The following NXPH1 variants were observed in gnomAD, a reference collection of about 807,000 sequenced individuals.
The protein encoded by NXPH1 is neurexophilin-1.
A neutral mutation model predicts 23.7 loss-of-function variants in NXPH1; 5 were observed. The ratio of observed to expected loss-of-function variants is 0.21; its 90% confidence interval spans 0.11 to 0.44. The LOEUF is 0.44. Among genes scored for constraint, NXPH1 ranks in the 20% least tolerant of loss-of-function variants. The pLI, the probability that NXPH1 is intolerant of heterozygous loss-of-function variation, is 0.99. For missense variants in NXPH1, 324 were observed against 321.6 expected (o/e 1.01, Z -0.06); for synonymous variants, 144 against 122.2 (o/e 1.18, Z -1.18).
chr7:8,666,937 A>G (rs183684514), intron 2 of NXPH1, among the ~76,000 whole-genome samples: 106 of 151,906 alleles, frequency 7.0e-4, no homozygotes, highest in African/African-American at 2.5e-3. Flanking sequence ...AGGCTTGTCA[A>G]TTTTATTATC....
intron 2 of NXPH1, among the ~76,000 whole-genome samples, chr7:8,438,266 T>A (rs778723821): frequency 1.7e-4 from 26 of 152,258 alleles, no homozygotes; most frequent in Admixed American, 3.9e-4. Context: ...AAATACCAGA[T>A]ACAGTTAACT....
intron 2 of NXPH1, among the ~76,000 whole-genome samples, chr7:8,487,859 A>C (rs1206538563): frequency 6.6e-6 from 1 of 152,142 alleles, no homozygotes; most frequent in Non-Finnish European, 1.5e-5. Context: ...TTTCTCTTTC[A>C]ACACCAGATT....
chr7:8,599,266 C>A (rs1286624555), intron 2 of NXPH1, among the ~76,000 whole-genome samples: 5 of 152,078 alleles, frequency 3.3e-5, no homozygotes, highest in African/African-American at 1.2e-4. Flanking sequence ...ATTGGTTGGA[C>A]ATTCAGGATG....
intron 2 of NXPH1, among the ~76,000 whole-genome samples, chr7:8,509,123 T>G (rs1015417249): frequency 2.6e-5 from 4 of 152,136 alleles, no homozygotes; most frequent in African/African-American, 9.6e-5. Context: ...TAAATGACAT[T>G]ATCCATTAGT....
chr7:8,541,232 A>T (rs1818112093), intron 2 of NXPH1, among the ~76,000 whole-genome samples: 1 of 151,740 alleles, frequency 6.6e-6, no homozygotes, highest in South Asian at 2.1e-4. Context: ...AAAAAGACCT[A>T]AATTAAACTC....
rs1041224406 is a variant in NXPH1 at position 8,463,295 on chromosome 7, C to CT, written c.54+27539dup. 7.2e-3 allele frequency among the ~76,000 whole-genome samples: 1,047 copies of CT among 146,332 alleles called. 3 individuals carry two copies. Among genetic ancestry groups the CT allele is most frequent in the African/African-American group, 0.021 (861 of 40,188 alleles). On this transcript the variant is annotated intron_variant, in intron 2 of 2. Coordinates refer to ENST00000405863, the MANE Select transcript of NXPH1 (RefSeq NM_152745.3). ...TACCAAATGGTATCTATAAATGTAT[C>CT]TTTTTTTTTTTCATGGCCACATAGT...
intron 2 of NXPH1, among the ~76,000 whole-genome samples, chr7:8,730,219 T>C (rs1780126485): frequency 6.7e-6 from 1 of 149,932 alleles, no homozygotes; most frequent in African/African-American, 2.5e-5. Flanking sequence ...CCTTTTATTT[T>C]GAGCCTATGT....
chr7:8,575,926 A>T (rs1034572307), intron 2 of NXPH1, among the ~76,000 whole-genome samples: 1 of 152,074 alleles, frequency 6.6e-6, no homozygotes, highest in African/African-American at 2.4e-5. Context: ...GAGTGCTTGA[A>T]AGCCTTCTAA....
intron 2 of NXPH1, among the ~76,000 whole-genome samples, chr7:8,514,413 T>G (rs760133725): frequency 1.4e-4 from 21 of 152,180 alleles, no homozygotes; most frequent in Non-Finnish European, 2.1e-4. Context: ...TCCTTGAAGT[T>G]GCACAGCGAA....
intron 2 of NXPH1, among the ~76,000 whole-genome samples, chr7:8,547,201 G>C (rs1266470813): frequency 6.6e-6 from 1 of 151,454 alleles, no homozygotes; most frequent in Non-Finnish European, 1.5e-5. Context: ...CAGCACACAA[G>C]GTTATTGGAA....
In NXPH1 at chr7:8,526,358, A is replaced by C. The variant is rs572428275; in HGVS notation, c.54+90591A>C. Among the ~76,000 whole-genome samples the C allele has an allele frequency of 7.2e-5, 11 of 152,302 alleles. No homozygotes were observed. In the East Asian group the frequency reaches 2.1e-3, roughly 29 times the overall value. On this transcript the variant is annotated intron_variant, in intron 2 of 2. Transcript: ENST00000405863. ...CTTGCTTTTCATTTTACAGGCTCAT[A>C]GGCGGAAGGGACTTGACTTGTCTTA...
intron 2 of NXPH1, among the ~76,000 whole-genome samples, chr7:8,727,186 T>G (rs1780071166): frequency 7.4e-6 from 1 of 135,312 alleles, no homozygotes; most frequent in Admixed American, 7.2e-5. Flanking sequence ...ATGGGGTTGT[T>G]TGTTTTTTTC....
chr7:8,622,728 A>G (rs1427264521), intron 2 of NXPH1, among the ~76,000 whole-genome samples: 1 of 152,218 alleles, frequency 6.6e-6, no homozygotes, highest in African/African-American at 2.4e-5. Context: ...ATGCTAATGT[A>G]AAAAGAACTT....
At chr7:8,666,290 T>C (rs541781575) in intron 2 of NXPH1, among the ~76,000 whole-genome samples, 36 of 152,214 alleles carry the variant, frequency 2.4e-4, no homozygotes, top group Admixed American at 1.8e-3. Context: ...TCTGCTTCTA[T>C]TGATATGATC....
chr7:8,683,208 C>T (rs1421616104), intron 2 of NXPH1, among the ~76,000 whole-genome samples: 3 of 152,198 alleles, frequency 2.0e-5, no homozygotes, highest in Non-Finnish European at 4.4e-5. Flanking sequence ...CTCTTTTAAA[C>T]AACTGTCTTT....
intron 2 of NXPH1, among the ~76,000 whole-genome samples, chr7:8,475,053 G>A (rs1816945875): frequency 6.6e-6 from 1 of 152,150 alleles, no homozygotes; most frequent in African/African-American, 2.4e-5. Flanking sequence ...GGTTTATGGA[G>A]AGGCACTCTG....
chr7:8,659,977 G>A (rs1289440721), intron 2 of NXPH1, among the ~76,000 whole-genome samples: 7 of 152,142 alleles, frequency 4.6e-5, no homozygotes, highest in Admixed American at 3.3e-4. Flanking sequence ...TGCTGGGATG[G>A]TATTGGCGTC....
At chr7:8,639,977 T>G (rs78850243) in intron 2 of NXPH1, among the ~76,000 whole-genome samples, 7,433 of 152,290 alleles carry the variant, frequency 0.049, 384 homozygotes, top group East Asian at 0.17. Flanking sequence ...TAGCTTCTGT[T>G]AATTGGTTGA....
In NXPH1 at chr7:8,435,827, T is replaced by G. The variant is rs529191676; in HGVS notation, c.54+60T>G. 1.3e-6 allele frequency: 2 copies of G among 1,501,500 alleles called. No homozygotes were observed. The highest frequency in any genetic ancestry group is 4.5e-5 in the East Asian group (2 of 44,330). The allele number at this position is 1,501,500 out of a possible 1,614,324, so 93.0% of individuals were successfully genotyped here. A position where few individuals can be genotyped will look rare whatever the true frequency, so the allele number is the denominator to read the frequency against. ...TACCCCGGCCGGGAGGCAAGGAAAC[T>G]GGGGACACGCGGGAGAAGGGTTACG... is the stretch of plus-strand genomic sequence containing the variant. On this transcript the variant is annotated intron_variant, in intron 2 of 2. Transcript: ENST00000405863. This position sits in a 1 kb window ranked among gnomAD's most constrained non-coding sequence, Gnocchi z 5.9.
Sources: gnomAD v4.1 joint callset for allele counts (sites outside exome capture counted in the v4.1 genomes callset) on GRCh38, gnomAD v4.1.1 for gene constraint, Gnocchi (gnomAD v3.1) non-coding constraint, MANE v1.5 for transcripts, NCBI Gene and HGNC (gene_info 2026-07-23, HGNC 2026-07-21) for gene names.